CNIH3: variants seen among roughly 807,000 people sequenced by gnomAD.
CNIH3 encodes protein cornichon homolog 3.
A neutral mutation model predicts 24.1 loss-of-function variants in CNIH3; 14 were observed. The observed-to-expected ratio is 0.58, with a 90% CI of 0.38 to 0.91. The LOEUF is 0.91. Ranked by LOEUF, CNIH3 falls within the 40% of genes least tolerant of loss-of-function variation. The pLI, the probability that CNIH3 is intolerant of heterozygous loss-of-function variation, is 0.00. For synonymous variants in CNIH3, 68 were observed against 73.8 expected, an observed-to-expected ratio of 0.92 and a Z score of 0.40; for missense variants, 178 against 196.8, an observed-to-expected ratio of 0.90 and a Z score of 0.57.
At chr1:224,694,661 G>A (rs1687080270) in intron 3 of CNIH3, among the ~76,000 whole-genome samples, 1 of 152,162 alleles carries the variant, frequency 6.6e-6, no homozygotes, top group Non-Finnish European at 1.5e-5. Flanking sequence ...ATTTGTAATT[G>A]CAAAATTATG....
chr1:224,656,981 T>C (rs1401329814), intron 1 of CNIH3, among the ~76,000 whole-genome samples: 1 of 152,220 alleles, frequency 6.6e-6, no homozygotes, highest in African/African-American at 2.4e-5. Context: ...GATTTGTCTC[T>C]TGGCAACTGG....
At chr1:224,629,552 C>T (rs1334891263) in intron 1 of CNIH3, among the ~76,000 whole-genome samples, 5 of 152,134 alleles carry the variant, frequency 3.3e-5, no homozygotes, top group African/African-American at 4.8e-5. Context: ...TGTCGACGAA[C>T]ACTGGGTTGC....
chr1:224,674,285 T>G (rs1329077169), intron 1 of CNIH3, among the ~76,000 whole-genome samples: 4 of 83,086 alleles, frequency 4.8e-5, no homozygotes, highest in Non-Finnish European at 7.3e-5. Context: ...TTTTTTTTTT[T>G]TTTTTTTTTT....
chr1:224,610,327 G>T (rs1682627587), intron 3 of CNIH3, among the ~76,000 whole-genome samples: 1 of 152,212 alleles, frequency 6.6e-6, no homozygotes, highest in African/African-American at 2.4e-5. Context: ...ATCTTGAATT[G>T]TAATTTCCAT....
intron 5 of CNIH3, 95 bp downstream of exon 5, chr1:224,734,801 T>C (rs748452736): frequency 1.8e-5 from 25 of 1,357,884 alleles, no homozygotes; most frequent in Admixed American, 5.2e-5. Flanking sequence ...GGAGATGGCG[T>C]GCGAGGGTGG....
chr1:224,616,677 C>T lies in CNIH3; in HGVS notation c.-498C>T. On this transcript the variant is annotated 5_prime_UTR_variant, in exon 1 of 6. Transcript: ENST00000272133. ...GAGGAGCTCGGAGGCCGCTCGGGCACCTCGCTGGACACTATCCGTTTGCGC... is the reference window on the plus strand; with the variant it reads ...GAGGAGCTCGGAGGCCGCTCGGGCATCTCGCTGGACACTATCCGTTTGCGC... The T allele has an allele frequency of 1.0e-6, 1 of 988,726 alleles. No homozygotes were observed. Among genetic ancestry groups the T allele is most frequent in the Non-Finnish European group, 1.2e-6 (1 of 832,316 alleles). The allele number at this position is 988,726 out of a possible 1,614,324, so 61.2% of individuals were successfully genotyped here.
chr1:224,574,597 T>G, intron 4 of CNIH3: 1 of 805,910 alleles, frequency 1.2e-6, no homozygotes, highest in South Asian at 1.3e-5. Context: ...GAGAATGACG[T>G]GGGGGTGGCC....
chr1:224,622,117 C>T (rs1325150129), intron 1 of CNIH3, among the ~76,000 whole-genome samples: 1 of 152,148 alleles, frequency 6.6e-6, no homozygotes, highest in Non-Finnish European at 1.5e-5. Context: ...TGTAAATTAC[C>T]CAGTCTCAGG....
chr1:224,454,181 C>T lies in CNIH3; in HGVS notation n.203+19319C>T, dbSNP rs976180528. 35 of 503,304 alleles carry T rather than the reference C, an allele frequency of 7.0e-5. No homozygotes were observed. In the African/African-American group the frequency reaches 7.4e-4, roughly 11 times the overall value. 31.2% of individuals were successfully genotyped at this position (503,304 alleles called of 1,614,324 possible). A position where few individuals can be genotyped will look rare whatever the true frequency, so the allele number is the denominator to read the frequency against. ...CCAAAATGTCCCTTACTCATGGTTCCTTGAGTAAAAGGTGCTATGCTTTAT... is the reference window on the plus strand; with the variant it reads ...CCAAAATGTCCCTTACTCATGGTTCTTTGAGTAAAAGGTGCTATGCTTTAT... On this transcript the variant is annotated intron_variant and non_coding_transcript_variant, in intron 1 of 5. Coordinates refer to the CNIH3 transcript ENST00000471578.
intron 1 of CNIH3, among the ~76,000 whole-genome samples, chr1:224,473,652 G>A (rs1315978275): frequency 6.6e-6 from 1 of 152,032 alleles, no homozygotes; most frequent in Non-Finnish European, 1.5e-5. Context: ...GTATGTAAAG[G>A]AAATATTACT....
At chr1:224,642,247 T>G (rs1271319254) in intron 1 of CNIH3, among the ~76,000 whole-genome samples, 2 of 152,150 alleles carry the variant, frequency 1.3e-5, no homozygotes, top group Admixed American at 6.5e-5. Context: ...TTTTTTTCCT[T>G]GAGGGTAGGG....
At chr1:224,475,189 T>C (rs1243058510) in intron 1 of CNIH3, among the ~76,000 whole-genome samples, 2 of 146,644 alleles carry the variant, frequency 1.4e-5, no homozygotes, top group Non-Finnish European at 3.0e-5. Context: ...ACCCCGTCTT[T>C]ACTAAAACTA....
In CNIH3 at chr1:224,730,512, G is replaced by A. The variant is rs1325427031; in HGVS notation, c.249G>A (p.Leu83=). The A allele has an allele frequency of 1.3e-6, 2 of 1,562,300 alleles. No individual in the cohort carries two copies. The highest frequency in any genetic ancestry group is 1.7e-6 in the Non-Finnish European group (2 of 1,151,744). ...ATAGCCTCTTCTGCATTATGTTCCTGTGTGCGCAAGAGTGGCTCACGCTGG... is the reference window on the plus strand; with the variant it reads ...ATAGCCTCTTCTGCATTATGTTCCTATGTGCGCAAGAGTGGCTCACGCTGG... ...SIHSLFCIMF[L]CAQEWLTLGL... The change falls in exon 4 of 6, where the codon CTG becomes CTA. Residue 83 remains leucine (L), a synonymous_variant. Transcript: ENST00000272133.
At chr1:224,540,819 T>A (rs540830938), downstream of CNIH3, among the ~76,000 whole-genome samples, 11 of 152,358 alleles carry the variant, frequency 7.2e-5, no homozygotes, top group Admixed American at 5.2e-4. Context: ...AAAATAATTA[T>A]ACAATTTCAT....
intron 3 of CNIH3, among the ~76,000 whole-genome samples, chr1:224,698,098 T>TC (rs2125168914): frequency 6.6e-6 from 1 of 152,348 alleles, no homozygotes; most frequent in East Asian, 1.9e-4. Flanking sequence ...GAACTGAGTT[T>TC]CACTGGCTCT....
intron 2 of CNIH3, among the ~76,000 whole-genome samples, chr1:224,682,000 C>T (rs1194288386): frequency 6.6e-6 from 1 of 152,166 alleles, no homozygotes; most frequent in Admixed American, 6.5e-5. Flanking sequence ...GAGAGAACAA[C>T]AGGCTCTGCT....
intron 1 of CNIH3, among the ~76,000 whole-genome samples, chr1:224,636,032 T>A (rs1684072947): frequency 6.6e-6 from 1 of 152,098 alleles, no homozygotes; most frequent in Non-Finnish European, 1.5e-5. Flanking sequence ...AAGTGGAATG[T>A]TTCGTTTAAG....
chr1:224,592,972 A>G (rs1307985415), downstream of CNIH3, among the ~76,000 whole-genome samples: 2 of 152,092 alleles, frequency 1.3e-5, no homozygotes, highest in East Asian at 3.9e-4. Flanking sequence ...TAGGAAAATC[A>G]CTTAATTTTC....
At chr1:224,528,963 T>C (rs1234742149) in intron 2 of CNIH3, among the ~76,000 whole-genome samples, 3 of 152,214 alleles carry the variant, frequency 2.0e-5, no homozygotes, top group Non-Finnish European at 2.9e-5. Context: ...TGACAGCCCT[T>C]GCCCATGTGC....
Sources: gnomAD v4.1 joint callset for allele counts (sites outside exome capture counted in the v4.1 genomes callset) on GRCh38, gnomAD v4.1.1 for gene constraint, MANE v1.5 for transcripts, NCBI Gene and HGNC (gene_info 2026-07-23, HGNC 2026-07-21) for gene names.